MTAP: variants seen among roughly 807,000 people sequenced by gnomAD.
The protein encoded by MTAP is S-methyl-5'-thioadenosine phosphorylase.
MTAP carries 33 observed loss-of-function variants against 33.6 expected under a neutral mutation model. That is an observed-to-expected ratio of 0.98 (90% CI 0.74 to 1.31). The LOEUF is 1.31. Ranked by LOEUF, MTAP falls within the 40% of genes most tolerant of loss-of-function variation. The pLI, the probability that MTAP is intolerant of heterozygous loss-of-function variation, is 0.00. For synonymous variants in MTAP, 148 were observed against 125.7 expected (o/e 1.18, Z -1.19); for missense variants, 367 against 360.0 (o/e 1.02, Z -0.16).
intron 3 of MTAP, among the ~76,000 whole-genome samples, chr9:21,817,525 G>C (rs73429352): frequency 0.03 from 4,487 of 152,090 alleles, 213 homozygotes; most frequent in African/African-American, 0.1. Flanking sequence ...TTGGCTCCTA[G>C]AGGTGGTTCA....
intron 5 of MTAP, among the ~76,000 whole-genome samples, chr9:21,851,087 C>T (rs1825499370): frequency 2.6e-5 from 4 of 152,168 alleles, no homozygotes; most frequent in African/African-American, 7.2e-5. Context: ...CTTAGTATTA[C>T]CATGCCCTGT....
Position 21,863,948 on chromosome 9 carries a change from A to G in MTAP, c.*1934A>G, listed in dbSNP as rs952477616. On this transcript the variant is annotated 3_prime_UTR_variant, in exon 8 of 8. Coordinates refer to ENST00000644715, the MANE Select transcript of MTAP (RefSeq NM_002451.4). ...GTAGTATTAAATTTCAACTCTGGTT[A>G]TCCATTAGCAATCTGTAGAGAACTT... The G allele has an allele frequency of 2.0e-6, 2 of 985,730 alleles. No individual in the cohort carries two copies. Among genetic ancestry groups the G allele is most frequent in the African/African-American group, 3.5e-5 (2 of 57,232 alleles). The allele number at this position is 985,730 out of a possible 1,614,324, so 61.1% of individuals were successfully genotyped here.
At chr9:21,803,734 G>C (rs200851772) in intron 1 of MTAP, among the ~76,000 whole-genome samples, 1 of 112,726 alleles carries the variant, frequency 8.9e-6, no homozygotes, top group South Asian at 2.5e-4. Flanking sequence ...ATGCGTTCTT[G>C]TTTGATTTTT....
At chr9:21,825,664 C>G (rs1417120795) in intron 4 of MTAP, among the ~76,000 whole-genome samples, 3 of 152,106 alleles carry the variant, frequency 2.0e-5, no homozygotes, top group African/African-American at 7.2e-5. Flanking sequence ...ATAGTGAGAC[C>G]TTGTCTCTGT....
downstream of MTAP, among the ~76,000 whole-genome samples, chr9:21,939,852 T>A (rs1288279509): frequency 6.6e-6 from 1 of 152,058 alleles, no homozygotes; most frequent in African/African-American, 2.4e-5. Context: ...CACTGCACTC[T>A]AGCCTGGGTG....
At chr9:21,818,684 G>A (rs1408859802) in intron 4 of MTAP, among the ~76,000 whole-genome samples, 1 of 152,134 alleles carries the variant, frequency 6.6e-6, no homozygotes, top group Non-Finnish European at 1.5e-5. Context: ...AATGATAAAT[G>A]TATATATGAG....
chr9:21,864,460 T>G lies in MTAP; in HGVS notation c.*2446T>G. 1.0e-6 allele frequency: 1 copy of G among 985,460 alleles called. No homozygotes were observed. 61.0% of individuals were successfully genotyped at this position (985,460 alleles called of 1,614,324 possible). A position where few individuals can be genotyped will look rare whatever the true frequency, so the allele number is the denominator to read the frequency against. ...TGAGCATCATGGGAAAGCTGTAGTTTAGTGACTTAGCCCTTAGTGATTAAT... is the reference window on the plus strand; with the variant it reads ...TGAGCATCATGGGAAAGCTGTAGTTGAGTGACTTAGCCCTTAGTGATTAAT... On this transcript the variant is annotated 3_prime_UTR_variant, in exon 8 of 8. Transcript: ENST00000644715.
intron 1 of MTAP, among the ~76,000 whole-genome samples, chr9:21,877,645 T>C (rs1351463953): frequency 6.6e-6 from 1 of 152,228 alleles, no homozygotes; most frequent in African/African-American, 2.4e-5. Context: ...CTTCTGTTAA[T>C]GTGCTGAATC....
At chr9:21,833,637 C>T (rs1192144036) in intron 4 of MTAP, among the ~76,000 whole-genome samples, 2 of 152,140 alleles carry the variant, frequency 1.3e-5, no homozygotes, top group African/African-American at 2.4e-5. Flanking sequence ...TTATGAGCAG[C>T]CGTTATTCTG....
At chr9:21,879,268 G>C (rs941828182) in intron 1 of MTAP, among the ~76,000 whole-genome samples, 1 of 151,948 alleles carries the variant, frequency 6.6e-6, no homozygotes, top group Non-Finnish European at 1.5e-5. Flanking sequence ...AGTATATTTA[G>C]GCTTCTTGTT....
At chr9:21,840,531 G>A (rs915213087) in intron 5 of MTAP, among the ~76,000 whole-genome samples, 5 of 152,178 alleles carry the variant, frequency 3.3e-5, no homozygotes, top group African/African-American at 9.7e-5. Flanking sequence ...GAGGTGAAAC[G>A]GATTTAGGGG....
At chr9:21,845,250 C>T (rs184627117) in intron 5 of MTAP, among the ~76,000 whole-genome samples, 2 of 152,100 alleles carry the variant, frequency 1.3e-5, no homozygotes, top group South Asian at 2.1e-4. Flanking sequence ...TGTTGCTGTT[C>T]ACCAATGATA....
intron 1 of MTAP, among the ~76,000 whole-genome samples, chr9:21,895,165 A>G (rs1268961313): frequency 2.0e-5 from 3 of 152,360 alleles, no homozygotes; most frequent in African/African-American, 4.8e-5. Flanking sequence ...TCATAGAATT[A>G]GAAAAAACCA....
At position 21,865,662 on chromosome 9, in the gene MTAP, A is replaced by G; in HGVS notation, c.*3648A>G. ...AGAAGGAATGCCAAAGATCGAGGAAATCTACCAAGACTAGTAGGGTAGTCC... is the reference window on the plus strand; with the variant it reads ...AGAAGGAATGCCAAAGATCGAGGAAGTCTACCAAGACTAGTAGGGTAGTCC... On this transcript the variant is annotated 3_prime_UTR_variant, in exon 8 of 8. Coordinates refer to ENST00000644715, the MANE Select transcript of MTAP (RefSeq NM_002451.4). 9.9e-7 allele frequency: 1 copy of G among 1,006,154 alleles called. No individual in the cohort carries two copies. Among genetic ancestry groups the G allele is most frequent in the Non-Finnish European group, 1.2e-6 (1 of 840,622 alleles). 62.3% of individuals were successfully genotyped at this position (1,006,154 alleles called of 1,614,324 possible).
chr9:21,905,728 G>A (rs1485580852), intron 1 of MTAP, among the ~76,000 whole-genome samples: 1 of 152,112 alleles, frequency 6.6e-6, no homozygotes, highest in African/African-American at 2.4e-5. Flanking sequence ...TCAAGATTTG[G>A]GTTATACCTG....
chr9:21,854,877 G>A lies in MTAP; in HGVS notation c.690+7G>A. On this transcript the variant is annotated splice_region_variant and intron_variant, in intron 6 of 7. Transcript: ENST00000644715. ...GAAGGAGCACGAGGAAGCAGTAGGT[G>A]GAATTCTTTTCTAAGCACATATAGC... 1 of 1,613,800 alleles carries A rather than the reference G, an allele frequency of 6.2e-7. No individual in the cohort carries two copies. Among genetic ancestry groups the A allele is most frequent in the African/African-American group, 1.3e-5 (1 of 75,024 alleles).
At chr9:21,876,979 T>C (rs1240343404) in intron 1 of MTAP, among the ~76,000 whole-genome samples, 1 of 152,232 alleles carries the variant, frequency 6.6e-6, no homozygotes, top group Non-Finnish European at 1.5e-5. Context: ...TACTGATTCT[T>C]CCTGTTCGTG....
At chr9:21,904,484 G>A in intron 1 of MTAP, among the ~76,000 whole-genome samples, 1 of 152,024 alleles carries the variant, frequency 6.6e-6, no homozygotes, top group East Asian at 1.9e-4. Flanking sequence ...CATATCAATA[G>A]TATCATCAAA....
At chr9:21,810,741 C>T (rs1318803194) in intron 1 of MTAP, among the ~76,000 whole-genome samples, 1 of 152,216 alleles carries the variant, frequency 6.6e-6, no homozygotes, top group African/African-American at 2.4e-5. Flanking sequence ...CAGTCACATT[C>T]TGAGGTACTG....
Sources: gnomAD v4.1 joint callset for allele counts (sites outside exome capture counted in the v4.1 genomes callset) on GRCh38, gnomAD v4.1.1 for gene constraint, MANE v1.5 for transcripts, NCBI Gene and HGNC (gene_info 2026-07-23, HGNC 2026-07-21) for gene names.